RBFOX1: variants seen among roughly 807,000 people sequenced by gnomAD.
RBFOX1 encodes RNA binding fox-1 homolog 1, also known as RNA binding protein fox-1 homolog 1.
RBFOX1 carries 8 observed loss-of-function variants against 57.7 expected under a neutral mutation model. The observed-to-expected ratio is 0.14, with a 90% CI of 0.08 to 0.25. The LOEUF (loss-of-function observed/expected upper bound fraction) is 0.25, where lower values mean the gene tolerates loss of function less well. RBFOX1 is among the 10% of genes least tolerant of loss of function. RBFOX1 has a pLI of 1.00. For synonymous variants in RBFOX1, 326 were observed against 222.4 expected (o/e 1.47, Z -4.15); for missense variants, 611 against 548.5 (o/e 1.11, Z -1.14).
intron 3 of RBFOX1, among the ~76,000 whole-genome samples, chr16:6,966,472 C>A (rs571570917): frequency 2.6e-5 from 4 of 152,020 alleles, no homozygotes; most frequent in Non-Finnish European, 4.4e-5. Flanking sequence ...CTGCCATCCA[C>A]GGAGCATGAT....
intron 2 of RBFOX1, among the ~76,000 whole-genome samples, chr16:6,617,709 TAAGG>T (rs1034485979): frequency 6.6e-6 from 1 of 152,022 alleles, no homozygotes; most frequent in Non-Finnish European, 1.5e-5. Context: ...AGGTGGGCAA[TAAGG>T]AAGAAGAGAC....
At chr16:6,597,508 C>A (rs2097788515) in intron 2 of RBFOX1, among the ~76,000 whole-genome samples, 1 of 152,026 alleles carries the variant, frequency 6.6e-6, no homozygotes, top group African/African-American at 2.4e-5. Flanking sequence ...CCTGTCTCTA[C>A]TAAAAATATA....
intron 2 of RBFOX1, among the ~76,000 whole-genome samples, chr16:6,477,609 C>T (rs34692525): frequency 1.3e-5 from 2 of 152,104 alleles, no homozygotes; most frequent in African/African-American, 2.4e-5. Flanking sequence ...CTTAAGGGCC[C>T]TAGGAGATTC....
intron 1 of RBFOX1, among the ~76,000 whole-genome samples, chr16:6,281,237 C>T (rs1457462922): frequency 6.6e-6 from 1 of 152,010 alleles, no homozygotes; most frequent in East Asian, 2.0e-4. Context: ...AGGACAAGCA[C>T]CTTGCAGATG....
chr16:6,206,427 T>C (rs2097255800), intron 1 of RBFOX1, among the ~76,000 whole-genome samples: 1 of 152,192 alleles, frequency 6.6e-6, no homozygotes, highest in African/African-American at 2.4e-5. Flanking sequence ...TCCTTCTCAA[T>C]TCTTGCTATG....
chr16:6,491,321 C>G (rs982656566), intron 2 of RBFOX1, among the ~76,000 whole-genome samples: 1 of 151,970 alleles, frequency 6.6e-6, no homozygotes, highest in African/African-American at 2.4e-5. Context: ...ACTTCCGCAT[C>G]TTAAGGTGAG....
intron 12 of RBFOX1, among the ~76,000 whole-genome samples, chr16:7,655,073 A>C (rs965677307): frequency 2.0e-5 from 3 of 152,236 alleles, no homozygotes; most frequent in African/African-American, 7.2e-5. Context: ...TGCCCTTTTC[A>C]TAGCTCTGTT....
At chr16:6,218,501 G>T (rs2097350821) in intron 1 of RBFOX1, among the ~76,000 whole-genome samples, 1 of 151,982 alleles carries the variant, frequency 6.6e-6, no homozygotes, top group African/African-American at 2.4e-5. Flanking sequence ...GTAGAGATGG[G>T]ATTCTACCCT....
intron 2 of RBFOX1, among the ~76,000 whole-genome samples, chr16:5,557,014 C>A (rs1440920162): frequency 6.6e-6 from 1 of 152,138 alleles, no homozygotes; most frequent in East Asian, 1.9e-4. Context: ...AATCCCAGCA[C>A]TTTGGGAGGC....
intron 4 of RBFOX1, among the ~76,000 whole-genome samples, chr16:7,313,170 C>T (rs546677014): frequency 6.6e-6 from 1 of 152,324 alleles, no homozygotes; most frequent in Non-Finnish European, 1.5e-5. Flanking sequence ...AGTGGCTTTG[C>T]TTTGGATCTA....
intron 4 of RBFOX1, among the ~76,000 whole-genome samples, chr16:7,064,679 T>G (rs1871260): frequency 0.68 from 102,921 of 151,914 alleles, 35,282 homozygotes; most frequent in South Asian, 0.74. Flanking sequence ...CACGGTACTT[T>G]GTTACGGTAG....
At chr16:6,313,904 T>C (rs1426682945) in intron 1 of RBFOX1, among the ~76,000 whole-genome samples, 1 of 152,204 alleles carries the variant, frequency 6.6e-6, no homozygotes, top group Non-Finnish European at 1.5e-5. Flanking sequence ...GGTACCATTG[T>C]TAATGATCAT....
At chr16:5,841,984 G>A (rs2056636886) in intron 3 of RBFOX1, among the ~76,000 whole-genome samples, 1 of 152,198 alleles carries the variant, frequency 6.6e-6, no homozygotes, top group Admixed American at 6.5e-5. Context: ...TCGCCCAGAG[G>A]CACACCACGC....
intron 2 of RBFOX1, among the ~76,000 whole-genome samples, chr16:6,545,462 T>C (rs993759864): frequency 6.6e-6 from 1 of 152,202 alleles, no homozygotes; most frequent in African/African-American, 2.4e-5. Context: ...TCATTTCTGT[T>C]GCAGCCTTGG....
chr16:7,124,541 C>G (rs1243355326), intron 4 of RBFOX1, among the ~76,000 whole-genome samples: 1 of 61,914 alleles, frequency 1.6e-5, no homozygotes, highest in African/African-American at 5.1e-5. Context: ...TTCCTTCCCT[C>G]TCTCCCTCCC....
intron 4 of RBFOX1, among the ~76,000 whole-genome samples, chr16:7,451,381 G>T (rs1344888738): frequency 6.6e-6 from 1 of 152,208 alleles, no homozygotes; most frequent in Non-Finnish European, 1.5e-5. Context: ...TTTCGGAGCA[G>T]TGAAATCCAA....
At chr16:5,681,603 G>A (rs2050341415) in intron 3 of RBFOX1, among the ~76,000 whole-genome samples, 1 of 151,466 alleles carries the variant, frequency 6.6e-6, no homozygotes, top group East Asian at 2.0e-4. Context: ...ATGTTGGTCA[G>A]GCTGGACTCG....
intron 2 of RBFOX1, among the ~76,000 whole-genome samples, chr16:6,647,287 A>G (rs1363652334): frequency 6.6e-6 from 1 of 152,158 alleles, no homozygotes; most frequent in Non-Finnish European, 1.5e-5. Flanking sequence ...TCTGTTGCCC[A>G]GGCTCTAGTG....
At position 7,062,790 on chromosome 16, in the gene RBFOX1, C is replaced by T. The variant is rs9937008; in HGVS notation, c.27+10692C>T. ...TGAAATTGAGTGAAGAGACGGTTCC[C>T]AGGGCTAGACCTCAGATTCACCCTG... On this transcript the variant is annotated intron_variant, in intron 4 of 15. Coordinates refer to ENST00000550418, the MANE Select transcript of RBFOX1 (RefSeq NM_018723.4). Among the ~76,000 whole-genome samples, 671 of 151,906 alleles carry T rather than the reference C, an allele frequency of 4.4e-3. 5 individuals are homozygous for T. The highest frequency in any genetic ancestry group is 0.016 in the African/African-American group (642 of 41,406).
Sources: gnomAD v4.1 joint callset for allele counts (sites outside exome capture counted in the v4.1 genomes callset) on GRCh38, gnomAD v4.1.1 for gene constraint, MANE v1.5 for transcripts, NCBI Gene and HGNC (gene_info 2026-07-23, HGNC 2026-07-21) for gene names.